Variants in SRSF11 observed in about 807,000 individuals in gnomAD.
SRSF11 encodes serine/arginine-rich splicing factor 11.
In SRSF11, 9 loss-of-function variants were observed where a neutral mutation model predicts 56.0. The observed-to-expected ratio is 0.16, with a 90% confidence interval of 0.10 to 0.28. The LOEUF is 0.28. SRSF11 is among the 10% of genes least tolerant of loss of function. The probability of loss-of-function intolerance (pLI) is 1.00; values close to 1 mark genes in which losing one functional copy is unlikely to be tolerated. For synonymous variants in SRSF11, 222 were observed against 215.3 expected (o/e 1.03, Z -0.27); for missense variants, 421 against 600.7 (o/e 0.70, Z 3.13).
chr1:70,231,256 T>C lies in SRSF11; in HGVS notation c.338-1012T>C. The stretch of plus-strand genomic sequence containing the variant: ...TTAATATGTATTACAGAAATACTAC[T>C]GGTATTTGCAAATATGTAGTTTAAT... On this transcript the variant is annotated intron_variant, in intron 2 of 11. Transcript: ENST00000370949. The C allele has an allele frequency of 4.2e-6, 5 of 1,195,770 alleles. No individual in the cohort carries two copies. In the South Asian group the frequency reaches 7.9e-5, roughly 19 times the overall value. The allele number at this position is 1,195,770 out of a possible 1,614,324, so 74.1% of individuals were successfully genotyped here. A position where few individuals can be genotyped will look rare whatever the true frequency, so the allele number is the denominator to read the frequency against.
chr1:70,235,200 T>C (rs924949234), intron 4 of SRSF11, among the ~76,000 whole-genome samples: 9 of 152,192 alleles, frequency 5.9e-5, no homozygotes, highest in Non-Finnish European at 1.5e-5. Flanking sequence ...CATGTTTCTT[T>C]ATGTCAAAAA....
chr1:70,240,750 C>A (rs528225672), intron 7 of SRSF11, among the ~76,000 whole-genome samples: 250 of 150,838 alleles, frequency 1.7e-3, no homozygotes, highest in South Asian at 2.7e-3. Flanking sequence ...CTTCACTTTA[C>A]ATACCCCTCC....
chr1:70,242,911 C>G (rs1174492985), intron 7 of SRSF11, among the ~76,000 whole-genome samples: 1 of 152,004 alleles, frequency 6.6e-6, no homozygotes, highest in Admixed American at 6.5e-5. Context: ...CTTCCCATGT[C>G]TTTGTGGAGC....
intron 2 of SRSF11, chr1:70,229,956 C>T: frequency 1.0e-6 from 1 of 985,294 alleles, no homozygotes; most frequent in Non-Finnish European, 1.2e-6. Flanking sequence ...GTCAGTGTGC[C>T]TGTTGTAGGA....
chr1:70,221,687 C>T lies in SRSF11; in HGVS notation c.51C>T (p.Gly17=). ...VPSTAGPGPS[G]GPGGGGGGGG... ...GCACTGCAGGTCCGGGCCCCAGCGG[C>T]GGGCCCGGTGGCGGAGGTGGTGGTG... The change falls in exon 1 of 12, where the codon GGC becomes GGT. Residue 17 remains glycine, a synonymous_variant. Transcript: ENST00000370949. 6.2e-7 allele frequency: 1 copy of T among 1,611,130 alleles called. No individual in the cohort carries two copies. The highest frequency in any genetic ancestry group is 1.1e-5 in the South Asian group (1 of 90,932).
At chr1:70,220,110 G>A (rs1205383874), upstream of SRSF11, among the ~76,000 whole-genome samples, 1 of 152,188 alleles carries the variant, frequency 6.6e-6, no homozygotes, top group Non-Finnish European at 1.5e-5. Flanking sequence ...ATTGTGCCAG[G>A]TTCTGGACTG....
chr1:70,212,712 A>T (rs1298577763), intron 1 of SRSF11, among the ~76,000 whole-genome samples: 1 of 152,152 alleles, frequency 6.6e-6, no homozygotes, highest in Admixed American at 6.5e-5. Context: ...GGTTCTTATC[A>T]ATTTAATTTT....
At chr1:70,212,165 G>C (rs900387984) in intron 1 of SRSF11, among the ~76,000 whole-genome samples, 2 of 152,060 alleles carry the variant, frequency 1.3e-5, no homozygotes, top group African/African-American at 4.8e-5. Context: ...GTTGTGAGTA[G>C]TATTTTACTT....
intron 2 of SRSF11, chr1:70,228,910 T>C (rs981073450): frequency 1.0e-6 from 1 of 984,762 alleles, no homozygotes; most frequent in African/African-American, 1.7e-5. Context: ...TTACAGAGCC[T>C]TCAAATAAAT....
At chr1:70,212,381 C>T (rs1420247663) in intron 1 of SRSF11, among the ~76,000 whole-genome samples, 2 of 152,050 alleles carry the variant, frequency 1.3e-5, no homozygotes, top group Non-Finnish European at 2.9e-5. Flanking sequence ...CTCAGCCTCC[C>T]CAATAGCTGG....
At chr1:70,224,615 A>G (rs1287983683) in intron 1 of SRSF11, among the ~76,000 whole-genome samples, 1 of 152,170 alleles carries the variant, frequency 6.6e-6, no homozygotes, top group Non-Finnish European at 1.5e-5. Flanking sequence ...CAGACATTTC[A>G]ATGACAACCT....
intron 1 of SRSF11, among the ~76,000 whole-genome samples, chr1:70,226,479 A>C (rs1022278340): frequency 1.3e-5 from 2 of 152,190 alleles, no homozygotes; most frequent in African/African-American, 4.8e-5. Context: ...CAATTTGAGC[A>C]CGGGGGCAGT....
intron 9 of SRSF11, chr1:70,248,560 T>G (rs920140751): frequency 6.6e-6 from 1 of 152,076 alleles, no homozygotes; most frequent in Admixed American, 6.5e-5. Flanking sequence ...AAACCAAATG[T>G]AAGTACAGAA....
At chr1:70,228,704 G>A (rs1328367340) in intron 2 of SRSF11, 149 bp downstream of exon 2, 7 of 1,323,376 alleles carry the variant, frequency 5.3e-6, no homozygotes, top group Non-Finnish European at 6.8e-6. Flanking sequence ...TTTGCTTGCA[G>A]ATTTTTTTTA....
chr1:70,239,437 A>C lies in SRSF11; in HGVS notation c.719-2A>C. The C allele has an allele frequency of 6.3e-7, 1 of 1,595,312 alleles. No homozygotes were observed. Among genetic ancestry groups the C allele is most frequent in the Non-Finnish European group, 8.5e-7 (1 of 1,171,998 alleles). On this transcript the variant is annotated splice_acceptor_variant, in intron 6 of 11. Transcript: ENST00000370949. LOFTEE classifies it high-confidence loss of function. ...TGCAGGTTCCTTTTCTTTTAAATATAGATAAGAAAGAAGAAAAAAGAAGGC... is the reference window on the plus strand; with the variant it reads ...TGCAGGTTCCTTTTCTTTTAAATATCGATAAGAAAGAAGAAAAAAGAAGGC...
chr1:70,242,296 A>G, intron 7 of SRSF11, among the ~76,000 whole-genome samples: 1 of 151,938 alleles, frequency 6.6e-6, no homozygotes, highest in South Asian at 2.1e-4. Context: ...CCCTGAATCC[A>G]GATACTTGTA....
chr1:70,228,824 G>A (rs1672351010), intron 2 of SRSF11: 1 of 1,113,982 alleles, frequency 9.0e-7, no homozygotes. Flanking sequence ...AACTCCCTGA[G>A]ATACATCTAC....
chr1:70,208,175 T>C (rs750206015), intron 1 of SRSF11, among the ~76,000 whole-genome samples: 1 of 152,244 alleles, frequency 6.6e-6, no homozygotes, highest in Non-Finnish European at 1.5e-5. Flanking sequence ...TATTAAAACA[T>C]TGTTTCATCT....
intron 2 of SRSF11, chr1:70,231,501 T>G: frequency 9.4e-7 from 1 of 1,065,690 alleles, no homozygotes; most frequent in South Asian, 2.9e-5. Context: ...ACTGGCACTG[T>G]ATGGCAGCAT....
Sources: gnomAD v4.1 joint callset for allele counts (sites outside exome capture counted in the v4.1 genomes callset) on GRCh38, gnomAD v4.1.1 for gene constraint, MANE v1.5 for transcripts, NCBI Gene and HGNC (gene_info 2026-07-23, HGNC 2026-07-21) for gene names.